Variants in MGAM2 observed in about 807,000 individuals in gnomAD.
MGAM2 encodes the protein maltase-glucoamylase 2 (putative), also known as probable maltase-glucoamylase 2.
MGAM2 carries 98 observed loss-of-function variants against 96.1 expected under a neutral mutation model. That is an observed-to-expected ratio of 1.02 (90% CI 0.87 to 1.21). The LOEUF (loss-of-function observed/expected upper bound fraction) is 1.21, where lower values mean the gene tolerates loss of function less well. Ranked by LOEUF, MGAM2 falls within the 50% of genes most tolerant of loss-of-function variation. The pLI is 0.00. For synonymous variants in MGAM2, 749 were observed against 414.8 expected, an observed-to-expected ratio of 1.81 and a Z score of -9.79; for missense variants, 2,055 against 1,182.4, an observed-to-expected ratio of 1.74 and a Z score of -10.82.
chr7:142,136,295 A>C (rs1795058288), intron 7 of MGAM2, among the ~76,000 whole-genome samples: 1 of 152,118 alleles, frequency 6.6e-6, no homozygotes. Flanking sequence ...TTCAAGGTTT[A>C]TTTATATTGC....
chr7:142,131,101 A>G (rs1437383598), intron 4 of MGAM2, 30 bp downstream of exon 4: 2 of 698,178 alleles, frequency 2.9e-6, no homozygotes, highest in Non-Finnish European at 5.2e-6. Flanking sequence ...TGCGCCTGGG[A>G]ACAACTCCTT....
chr7:142,135,136 G>A (rs1449976192), intron 7 of MGAM2, among the ~76,000 whole-genome samples: 1 of 152,148 alleles, frequency 6.6e-6, no homozygotes, highest in African/African-American at 2.4e-5. Flanking sequence ...AAGGGAGAGA[G>A]CTGACATTTT....
chr7:142,203,653 C>T (rs1436376696), intron 45 of MGAM2, among the ~76,000 whole-genome samples: 1 of 151,978 alleles, frequency 6.6e-6, no homozygotes, highest in East Asian at 1.9e-4. Context: ...AAAACAGACA[C>T]ATAGCAATAG....
intron 37 of MGAM2, among the ~76,000 whole-genome samples, chr7:142,191,045 G>A (rs1796853756): frequency 6.6e-6 from 1 of 151,988 alleles, no homozygotes; most frequent in African/African-American, 2.4e-5. Flanking sequence ...TAAGGTAGGA[G>A]GATCTCTTGA....
intron 32 of MGAM2, among the ~76,000 whole-genome samples, chr7:142,179,052 G>T (rs904700503): frequency 3.9e-5 from 6 of 151,998 alleles, no homozygotes; most frequent in Non-Finnish European, 8.8e-5. Flanking sequence ...CATTCCTGAT[G>T]AACTATAAAA....
At chr7:142,215,758 C>CAAAAA (rs561282810) in intron 46 of MGAM2, among the ~76,000 whole-genome samples, 1 of 104,082 alleles carries the variant, frequency 9.6e-6, no homozygotes, top group South Asian at 3.2e-4. Context: ...AACTCTGTCT[C>CAAAAA]AAAAAAAAAA....
chr7:142,189,141 T>A (rs1796792316), intron 36 of MGAM2, among the ~76,000 whole-genome samples: 1 of 152,174 alleles, frequency 6.6e-6, no homozygotes, highest in Non-Finnish European at 1.5e-5. Context: ...TCAGAGTTGG[T>A]GCAAAAAGAA....
At chr7:142,117,982 G>T (rs939094787) in intron 2 of MGAM2, among the ~76,000 whole-genome samples, 1 of 150,468 alleles carries the variant, frequency 6.6e-6, no homozygotes, top group African/African-American at 2.4e-5. Flanking sequence ...TGGGTTGAAA[G>T]GGGGGCTTTA....
At chr7:142,201,160 C>A (rs1797217455) in intron 45 of MGAM2, among the ~76,000 whole-genome samples, 1 of 147,632 alleles carries the variant, frequency 6.8e-6, no homozygotes, top group Non-Finnish European at 1.5e-5. Flanking sequence ...ACCTCCTCCT[C>A]CCTAATTCAA....
chr7:142,196,405 A>T, intron 38 of MGAM2, 118 bp downstream of exon 38: 1 of 649,676 alleles, frequency 1.5e-6, no homozygotes, highest in South Asian at 1.8e-5. Context: ...ATTAACAAGA[A>T]CTGAGTTCTC....
intron 26 of MGAM2, among the ~76,000 whole-genome samples, chr7:142,168,418 C>T (rs912535403): frequency 2.6e-5 from 4 of 152,120 alleles, no homozygotes; most frequent in East Asian, 3.9e-4. Flanking sequence ...TACAGGCACC[C>T]GCCTCCACGC....
At chr7:142,136,995 C>T (rs1795078811) in intron 8 of MGAM2, among the ~76,000 whole-genome samples, 1 of 152,166 alleles carries the variant, frequency 6.6e-6, no homozygotes, top group South Asian at 2.1e-4. Context: ...TAGGCTGTTT[C>T]TCACAGCCCA....
At chr7:142,209,174 A>G (rs891331188) in intron 46 of MGAM2, among the ~76,000 whole-genome samples, 15 of 152,240 alleles carry the variant, frequency 9.9e-5, no homozygotes, top group African/African-American at 3.6e-4. Flanking sequence ...CATATGATTT[A>G]TCATGGCCTT....
Position 142,183,494 on chromosome 7 carries a change from T to A in MGAM2, c.3924+121T>A, listed in dbSNP as rs1585196101. ...AATAAATTATGAATGAGTAGAAATCTGTCCGATGCTGATTAGCTCAATAAG... is the reference window on the plus strand; with the variant it reads ...AATAAATTATGAATGAGTAGAAATCAGTCCGATGCTGATTAGCTCAATAAG... On this transcript the variant is annotated intron_variant, in intron 33 of 47. Coordinates refer to ENST00000477922, the MANE Select transcript of MGAM2 (RefSeq NM_001293626.2). 8.2e-6 allele frequency: 5 copies of A among 606,926 alleles called. No individual in the cohort carries two copies. In the East Asian group the frequency reaches 1.4e-4, roughly 17 times the overall value. 37.6% of individuals were successfully genotyped at this position (606,926 alleles called of 1,614,324 possible).
rs1797942856 is a variant in MGAM2, at chr7:142,221,871, C to A, written c.7360C>A (p.Gln2454Lys). Residue 2454 changes from glutamine to lysine, a missense_variant, in exon 48 of 48, where the codon CAA becomes AAA. Coordinates refer to ENST00000477922, the MANE Select transcript of MGAM2 (RefSeq NM_001293626.2). ...AATAACAGCCACTGGTCTAGATTCA[C>A]AAACTCCCCATATGGTAATAAATTC... ...VTITATGLDS[Q>K]TPHMVINSVA... is the part of the protein sequence containing the mutation. 2.5e-6 allele frequency: 1 copy of A among 400,604 alleles called. No individual in the cohort carries two copies. Among genetic ancestry groups the A allele is most frequent in the African/African-American group, 2.1e-5 (1 of 48,630 alleles). The allele number at this position is 400,604 out of a possible 1,614,324, so 24.8% of individuals were successfully genotyped here.
intron 46 of MGAM2, among the ~76,000 whole-genome samples, chr7:142,217,700 C>T (rs2129107432): frequency 6.6e-6 from 1 of 152,208 alleles, no homozygotes; most frequent in African/African-American, 2.4e-5. Flanking sequence ...CTTGTGTTTG[C>T]TAACATACTA....
At chr7:142,154,687 C>T (rs1422450026) in intron 16 of MGAM2, 42 bp from the exon 17 acceptor site, 5 of 698,122 alleles carry the variant, frequency 7.2e-6, no homozygotes, top group Non-Finnish European at 1.0e-5. Flanking sequence ...ATGCTTTCGC[C>T]TCTCATTGAC....
chr7:142,135,040 A>G lies in MGAM2; in HGVS notation c.747+888A>G, dbSNP rs796393925. 3.6e-4 allele frequency among the ~76,000 whole-genome samples: 54 copies of G among 151,988 alleles called. 1 individual carries two copies. The highest frequency in any genetic ancestry group is 1.3e-3 in the African/African-American group (54 of 41,550). On this transcript the variant is annotated intron_variant, in intron 7 of 47. Coordinates refer to ENST00000477922, the MANE Select transcript of MGAM2 (RefSeq NM_001293626.2). The stretch of plus-strand genomic sequence containing the variant: ...CCATGGACAAAGCTTTGAGTCACAT[A>G]GGTTTGTAGAGCATGTCTTGAAGCC...
intron 32 of MGAM2, among the ~76,000 whole-genome samples, chr7:142,182,218 G>T (rs999130522): frequency 1.3e-5 from 2 of 152,190 alleles, no homozygotes; most frequent in African/African-American, 4.8e-5. Flanking sequence ...TACTGGGCCT[G>T]CAGCTTTGTT....
Sources: allele counts gnomAD v4.1 joint callset (sites outside exome capture counted in the v4.1 genomes callset), GRCh38; gene constraint gnomAD v4.1.1; transcripts MANE v1.5; gene names NCBI Gene and HGNC (gene_info 2026-07-23, HGNC 2026-07-21).